The following SESTD1 variants were observed in gnomAD, a reference collection of about 807,000 sequenced individuals.
The protein encoded by SESTD1 is SEC14 and spectrin domain containing 1, also known as SEC14 domain and spectrin repeat-containing protein 1.
Under a neutral mutation model 101.7 loss-of-function variants are expected in SESTD1, and 43 were observed. The observed-to-expected ratio is 0.42, with a 90% CI of 0.33 to 0.55. The LOEUF is 0.55. Among genes scored for constraint, SESTD1 ranks in the 20% least tolerant of loss-of-function variants. The pLI is 0.07. For synonymous variants in SESTD1, 283 were observed against 286.8 expected (o/e 0.99, Z 0.13); for missense variants, 647 against 815.1 (o/e 0.79, Z 2.51).
intron 1 of SESTD1, among the ~76,000 whole-genome samples, chr2:179,259,232 TTTTG>T (rs564232713): frequency 2.6e-3 from 401 of 152,156 alleles, no homozygotes; most frequent in Non-Finnish European, 4.3e-3. Context: ...TTCTCTAGCT[TTTTG>T]TTTGTTTGTT....
At chr2:179,262,444 G>A (rs1052739930) in intron 1 of SESTD1, among the ~76,000 whole-genome samples, 9 of 152,094 alleles carry the variant, frequency 5.9e-5, no homozygotes, top group Non-Finnish European at 1.2e-4. Context: ...AGGATGGAAT[G>A]CAGTGGTCCA....
At chr2:179,185,638 ATAT>A (rs1471213274) in intron 2 of SESTD1, among the ~76,000 whole-genome samples, 1 of 128,834 alleles carries the variant, frequency 7.8e-6, no homozygotes, top group Non-Finnish European at 1.5e-5. Flanking sequence ...ATAATATAGC[ATAT>A]TATATACAAT....
At chr2:179,183,870 G>C (rs1367110809) in intron 2 of SESTD1, among the ~76,000 whole-genome samples, 1 of 148,670 alleles carries the variant, frequency 6.7e-6, no homozygotes, top group Non-Finnish European at 1.5e-5. Flanking sequence ...GAGAGACAGA[G>C]AGGAAGGAAG....
At chr2:179,246,254 C>CAAAAAA (rs60185738) in intron 1 of SESTD1, among the ~76,000 whole-genome samples, 6 of 73,680 alleles carry the variant, frequency 8.1e-5, no homozygotes, top group East Asian at 3.8e-4. Flanking sequence ...GACTCCATCT[C>CAAAAAA]AAAAAAAAAA....
chr2:179,205,063 A>C (rs1404577478), intron 1 of SESTD1, among the ~76,000 whole-genome samples: 1 of 134,514 alleles, frequency 7.4e-6, no homozygotes, highest in Non-Finnish European at 1.6e-5. Flanking sequence ...CAATTCTGTA[A>C]ATTATACAAA....
At chr2:179,183,316 G>C in intron 2 of SESTD1, 128 bp from the exon 3 acceptor site, 1 of 542,700 alleles carries the variant, frequency 1.8e-6, no homozygotes, top group African/African-American at 2.0e-5. Context: ...ATATCTAATG[G>C]CTACTTATAG....
intron 17 of SESTD1, among the ~76,000 whole-genome samples, chr2:179,110,234 G>T (rs995882925): frequency 5.3e-5 from 8 of 152,090 alleles, no homozygotes; most frequent in African/African-American, 1.2e-4. Flanking sequence ...ATTAAGACAT[G>T]ATGAGAAAAA....
At chr2:179,163,363 T>G (rs1244477708) in intron 5 of SESTD1, among the ~76,000 whole-genome samples, 1 of 152,174 alleles carries the variant, frequency 6.6e-6, no homozygotes, top group African/African-American at 2.4e-5. Context: ...TCAACTATTT[T>G]CAAATAGCCA....
intron 1 of SESTD1, among the ~76,000 whole-genome samples, chr2:179,233,266 G>T (rs1411987413): frequency 1.3e-5 from 2 of 152,110 alleles, no homozygotes; most frequent in African/African-American, 2.4e-5. Context: ...TAGTGTTAAG[G>T]ATTAGCAATT....
intron 1 of SESTD1, among the ~76,000 whole-genome samples, chr2:179,260,075 TATA>T (rs2047460912): frequency 6.6e-6 from 1 of 152,252 alleles, no homozygotes. Context: ...AAAACATAAT[TATA>T]ATAACTGTAG....
At chr2:179,220,064 G>A (rs1014541353) in intron 1 of SESTD1, among the ~76,000 whole-genome samples, 5 of 151,620 alleles carry the variant, frequency 3.3e-5, no homozygotes, top group African/African-American at 1.2e-4. Context: ...AAGAAGTCTA[G>A]TGGAACATTA....
rs532478696 is a variant in SESTD1 at position 179,231,847 on chromosome 2, AAATATGACACAG to A, written c.-26+32640_-26+32651del. On this transcript the variant is annotated intron_variant, in intron 1 of 17. Coordinates refer to ENST00000428443, the MANE Select transcript of SESTD1 (RefSeq NM_178123.5). ...AAGAAGACTCAAATCAAAAAGCCTT[AAATATGACACAG>A]AGAAACACTGTTTAACGTTAGAAGC... Among the ~76,000 whole-genome samples the A allele has an allele frequency of 2.0e-3, 307 of 152,206 alleles. 1 individual carries two copies. The highest frequency in any genetic ancestry group is 6.9e-3 in the African/African-American group (285 of 41,576).
In SESTD1 at chr2:179,108,666, C is replaced by T. The variant is rs1186137243; in HGVS notation, c.*1233G>A. On this transcript the variant is annotated 3_prime_UTR_variant, in exon 18 of 18. Coordinates refer to ENST00000428443, the MANE Select transcript of SESTD1 (RefSeq NM_178123.5). Reference sequence around the variant, plus strand: ...CTCAAAAAGGAACCAGTATACAACTCGTTTATAATTTTGTAATGACTACAA... The same window carrying T: ...CTCAAAAAGGAACCAGTATACAACTTGTTTATAATTTTGTAATGACTACAA... The T allele has an allele frequency of 3.3e-5, 5 of 150,880 alleles. No individual in the cohort carries two copies. Among genetic ancestry groups the T allele is most frequent in the Non-Finnish European group, 7.4e-5 (5 of 67,756 alleles). The allele number at this position is 150,880 out of a possible 1,614,324, so 9.3% of individuals were successfully genotyped here.
intron 5 of SESTD1, among the ~76,000 whole-genome samples, chr2:179,153,081 T>A (rs1009105420): frequency 6.6e-6 from 1 of 152,176 alleles, no homozygotes; most frequent in African/African-American, 2.4e-5. Context: ...ATTTCGTTGA[T>A]AGCAATGGTT....
intron 1 of SESTD1, among the ~76,000 whole-genome samples, chr2:179,228,408 T>A (rs1271635416): frequency 6.6e-6 from 1 of 152,210 alleles, no homozygotes; most frequent in Non-Finnish European, 1.5e-5. Flanking sequence ...GAGTTCCATC[T>A]TAGGGCTTGC....
intron 5 of SESTD1, among the ~76,000 whole-genome samples, chr2:179,155,770 T>C: frequency 6.6e-6 from 1 of 152,214 alleles, no homozygotes; most frequent in East Asian, 1.9e-4. Context: ...GTTACTGGGG[T>C]ACAGTCAGTG....
chr2:179,198,678 A>G lies in SESTD1; in HGVS notation c.-25-6812T>C, dbSNP rs568755421. Among the ~76,000 whole-genome samples, 16 of 152,036 alleles carry G rather than the reference A, an allele frequency of 1.1e-4. No individual in the cohort carries two copies. In the East Asian group the frequency reaches 1.9e-3, roughly 18 times the overall value. ...ACTCAAAACCGCTCAACTACATGGA[A>G]ACTGAACAACCTGCTCCTGAATGAC... On this transcript the variant is annotated intron_variant, in intron 1 of 17. Transcript: ENST00000428443.
intron 6 of SESTD1, among the ~76,000 whole-genome samples, chr2:179,150,315 A>C (rs1353832648): frequency 6.6e-6 from 1 of 152,104 alleles, no homozygotes; most frequent in Non-Finnish European, 1.5e-5. Context: ...ATCTAAAATG[A>C]GTTAATCTGA....
At chr2:179,185,626 ATAT>A (rs527994627) in intron 2 of SESTD1, among the ~76,000 whole-genome samples, 199 of 129,630 alleles carry the variant, frequency 1.5e-3, no homozygotes, top group Non-Finnish European at 2.3e-3. Flanking sequence ...ATTATACAAT[ATAT>A]AATATAGCAT....
Sources: allele counts gnomAD v4.1 joint callset (sites outside exome capture counted in the v4.1 genomes callset), GRCh38; gene constraint gnomAD v4.1.1; transcripts MANE v1.5; gene names NCBI Gene and HGNC (gene_info 2026-07-23, HGNC 2026-07-21).